The following F5 variants were observed in gnomAD, a reference collection of about 807,000 sequenced individuals.
F5 encodes the protein coagulation factor V.
A neutral mutation model predicts 216.4 loss-of-function variants in F5; 138 were observed. The ratio of observed to expected loss-of-function variants is 0.64; its 90% CI spans 0.56 to 0.73. The LOEUF is 0.73. Ranked by LOEUF, F5 falls within the 30% of genes least tolerant of loss-of-function variation. F5 has a pLI of 0.00. For synonymous variants in F5, 916 were observed against 930.7 expected, an observed-to-expected ratio of 0.98 and a Z score of 0.29; for missense variants, 2,403 against 2,674.0, an observed-to-expected ratio of 0.90 and a Z score of 2.24.
At chr1:169,578,294 G>T (rs1404283399) in intron 2 of F5, among the ~76,000 whole-genome samples, 1 of 152,156 alleles carries the variant, frequency 6.6e-6, no homozygotes, top group African/African-American at 2.4e-5. Context: ...AGGTGCAAAG[G>T]CCTTACACAT....
chr1:169,525,987 G>T lies in F5; in HGVS notation c.5630C>A (p.Ser1877Ter). 1 of 1,612,948 alleles carries T rather than the reference G, an allele frequency of 6.2e-7. No homozygotes were observed. The highest frequency in any genetic ancestry group is 8.5e-7 in the Non-Finnish European group (1 of 1,179,210). The change falls in exon 18 of 25, where the codon TCA becomes TAA. Residue 1877 changes from serine (S) to a stop codon, truncating the protein, a stop_gained. Transcript: ENST00000367797. LOFTEE classifies it high-confidence loss of function. ...GSFKTLEMKA[S>*]KPGWWLLNTE... ...GTTTAGGAGCCACCAGCCAGGTTTT[G>T]ATGCCTTCATTTCAAGAGTTTTAAA...
rs528213970 is a variant in F5 at position 169,544,524 on chromosome 1, C to A, written c.1763-16G>T. The A allele has an allele frequency of 2.1e-5, 33 of 1,609,464 alleles. No homozygotes were observed. The highest frequency in any genetic ancestry group is 5.0e-5 in the Admixed American group (3 of 59,866). ...CCATTGATAGCTGAAAGTGTAAAATCTGTTAAAATTCCAAGTCTATGCCAA... is the reference window on the plus strand; with the variant it reads ...CCATTGATAGCTGAAAGTGTAAAATATGTTAAAATTCCAAGTCTATGCCAA... On this transcript the variant is annotated splice_polypyrimidine_tract_variant and intron_variant, in intron 11 of 24. Transcript: ENST00000367797.
intron 2 of F5, among the ~76,000 whole-genome samples, chr1:169,577,145 C>T (rs765779910): frequency 6.6e-6 from 1 of 152,084 alleles, no homozygotes; most frequent in Admixed American, 6.6e-5. Context: ...GAGTGGCCTA[C>T]TTCAGGGCTT....
chr1:169,527,525 G>C (rs1446876657), intron 17 of F5, among the ~76,000 whole-genome samples: 1 of 152,104 alleles, frequency 6.6e-6, no homozygotes, highest in East Asian at 1.9e-4. Context: ...TAGGGTGATA[G>C]GGCCTAGAAG....
chr1:169,549,677 A>G, intron 10 of F5, 124 bp downstream of exon 10: 1 of 699,832 alleles, frequency 1.4e-6, no homozygotes, highest in Non-Finnish European at 2.5e-6. Context: ...GGTGCTAAAA[A>G]GGACTACTTG....
chr1:169,542,726 G>A lies in F5; in HGVS notation c.2364C>T (p.Val788=), dbSNP rs918582959. Reference sequence around the variant, plus strand: ...CTTTCTGAGGTTCTGCAAGGTTATTGACAGTGAACTTACTAATATTACTTG... The same window carrying A: ...CTTTCTGAGGTTCTGCAAGGTTATTAACAGTGAACTTACTAATATTACTTG... ...SSPSNISKFT[V]NNLAEPQKAP... The change falls in exon 13 of 25, where the codon GTC becomes GTT. Residue 788 remains valine, a synonymous_variant. Coordinates refer to ENST00000367797, the MANE Select transcript of F5 (RefSeq NM_000130.5). 4 of 1,614,016 alleles carry A rather than the reference G, an allele frequency of 2.5e-6. No individual in the cohort carries two copies. The African/African-American group carries it at 4.0e-5, about 16-fold the overall frequency.
intron 17 of F5, 22 bp downstream of exon 17, chr1:169,527,893 C>G (rs772947450): frequency 6.2e-7 from 1 of 1,612,464 alleles, no homozygotes; most frequent in South Asian, 1.1e-5. Context: ...GCAGGGACCT[C>G]TTCCCATTAC....
At chr1:169,568,219 T>G (rs1660652856) in intron 3 of F5, among the ~76,000 whole-genome samples, 1 of 152,098 alleles carries the variant, frequency 6.6e-6, no homozygotes, top group South Asian at 2.1e-4. Context: ...ATTAAATGAA[T>G]GATGTTAATT....
chr1:169,563,828 A>G lies in F5; in HGVS notation c.374-3062T>C, dbSNP rs556388213. On this transcript the variant is annotated intron_variant, in intron 3 of 24. Transcript: ENST00000367797. ...TGAGAAGATTTATGATAGCTGTCTT[A>G]CTGTCTCTGCCTGCTGCTTCTATTC... Among the ~76,000 whole-genome samples, 7 of 148,860 alleles carry G rather than the reference A, an allele frequency of 4.7e-5. No homozygotes were observed. The South Asian group carries it at 1.5e-3, about 33-fold the overall frequency.
At chr1:169,562,138 A>G (rs979153342) in intron 3 of F5, among the ~76,000 whole-genome samples, 3 of 152,136 alleles carry the variant, frequency 2.0e-5, no homozygotes, top group South Asian at 2.1e-4. Flanking sequence ...TATAGTTCCA[A>G]TCAAGATAGA....
intron 21 of F5, among the ~76,000 whole-genome samples, chr1:169,521,032 A>G (rs1480610809): frequency 1.3e-5 from 2 of 152,160 alleles, no homozygotes; most frequent in African/African-American, 2.4e-5. Flanking sequence ...GAAGCCGGCA[A>G]CCTGGAAACA....
chr1:169,552,851 A>T (rs1660205632), intron 7 of F5, 117 bp from the exon 8 acceptor site: 3 of 776,830 alleles, frequency 3.9e-6, no homozygotes, highest in Non-Finnish European at 6.3e-6. Flanking sequence ...CTAGTTCTCT[A>T]AAAATTTCTT....
chr1:169,536,561 T>G lies in F5; in HGVS notation c.4916A>C (p.Glu1639Ala). The change falls in exon 14 of 25, where the codon GAG becomes GCG. Residue 1639 changes from glutamate (E) to alanine (A), a missense_variant. This residue lies in a region of F5 where 659 missense variants were observed against 787.9 expected (regional missense o/e 0.84). Transcript: ENST00000367797. ...AATAGGACCAAGAATTCCGAGATGC[T>G]CTTCATACTCCCCTCGAGGATCACG... ...TKRDPRGEYE[E>A]HLGILGPIIR... The G allele has an allele frequency of 1.2e-6, 2 of 1,613,666 alleles. No individual in the cohort carries two copies. The highest frequency in any genetic ancestry group is 1.7e-6 in the Non-Finnish European group (2 of 1,179,682).
intron 7 of F5, among the ~76,000 whole-genome samples, chr1:169,553,053 C>G (rs1001560137): frequency 1.3e-5 from 2 of 152,188 alleles, no homozygotes; most frequent in Admixed American, 6.5e-5. Flanking sequence ...TGAAAAGATA[C>G]TAGGAATTTT....
At chr1:169,525,307 C>T (rs1659419305) in intron 18 of F5, among the ~76,000 whole-genome samples, 1 of 151,908 alleles carries the variant, frequency 6.6e-6, no homozygotes, top group Admixed American at 6.6e-5. Context: ...TCTTGGGCAA[C>T]CTCTTCTCTA....
intron 10 of F5, among the ~76,000 whole-genome samples, chr1:169,549,511 G>T (rs1237955013): frequency 2.6e-5 from 4 of 152,166 alleles, no homozygotes; most frequent in African/African-American, 7.2e-5. Context: ...AATTAGGAAA[G>T]GCTAATCAAC....
intron 23 of F5, among the ~76,000 whole-genome samples, chr1:169,517,001 G>A (rs1195704226): frequency 6.6e-6 from 1 of 152,064 alleles, no homozygotes; most frequent in Non-Finnish European, 1.5e-5. Context: ...CAAGTCTAAA[G>A]AGTCATCTGA....
In F5 at chr1:169,561,413, A is replaced by T. The variant is rs573244006; in HGVS notation, c.374-647T>A. 2.6e-5 allele frequency among the ~76,000 whole-genome samples: 4 copies of T among 152,202 alleles called. No homozygotes were observed. The South Asian group carries it at 8.3e-4, about 32-fold the overall frequency. On this transcript the variant is annotated intron_variant, in intron 3 of 24. Transcript: ENST00000367797. ...TTGTGCACCCAAAGACACATCATTA[A>T]CACCTCCATGTATATTGGACTTTCC...
At position 169,559,223 on chromosome 1, in the gene F5, T is replaced by G; in HGVS notation, c.660A>C (p.Glu220Asp). 6.2e-7 allele frequency: 1 copy of G among 1,613,796 alleles called. No individual in the cohort carries two copies. Among genetic ancestry groups the G allele is most frequent in the South Asian group, 1.1e-5 (1 of 91,076 alleles). Reference sequence around the variant, plus strand: ...ATGATGACTGGCTCCAGCTCTTGCTTTCATCAAACACAGCAAATAGTAGCA... The same window carrying G: ...ATGATGACTGGCTCCAGCTCTTGCTGTCATCAAACACAGCAAATAGTAGCA... ...QIVLLFAVFDESKSWSQSSSL... is the reference protein window; with the variant it reads ...QIVLLFAVFDDSKSWSQSSSL... Residue 220 changes from glutamate (E) to aspartate (D), a missense_variant, in exon 5 of 25, where the codon GAA becomes GAC. Physicochemically the swap from Glu to Asp is conservative, Grantham distance 45. This residue lies in a region of F5 where 1,425 missense variants were observed against 1,554.8 expected (regional missense o/e 0.92). Coordinates refer to ENST00000367797, the MANE Select transcript of F5 (RefSeq NM_000130.5).
Sources: allele counts gnomAD v4.1 joint callset (sites outside exome capture counted in the v4.1 genomes callset), GRCh38; gene constraint gnomAD v4.1.1; regional missense constraint gnomAD v4.1.1; transcripts MANE v1.5; gene names NCBI Gene and HGNC (gene_info 2026-07-23, HGNC 2026-07-21).